CAST: variants seen among roughly 807,000 people sequenced by gnomAD.
CAST encodes the protein MIR583 host.
A neutral mutation model predicts 119.6 loss-of-function variants in CAST; 76 were observed. The ratio of observed to expected loss-of-function variants is 0.64; its 90% CI spans 0.53 to 0.77. The LOEUF is 0.77. CAST is among the 30% of genes least tolerant of loss of function. CAST has a pLI of 0.00. For missense variants in CAST, 953 were observed against 946.5 expected (o/e 1.01, Z -0.09); for synonymous variants, 319 against 331.6 (o/e 0.96, Z 0.41).
intron 1 of CAST, among the ~76,000 whole-genome samples, chr5:96,544,481 A>G (rs1026833132): frequency 6.6e-6 from 1 of 152,166 alleles, no homozygotes; most frequent in African/African-American, 2.4e-5. Context: ...GGGATTTTTT[A>G]TATAGATGAT....
At chr5:96,765,974 T>G in intron 26 of CAST, 79 bp from the exon 27 acceptor site, 2 of 825,738 alleles carry the variant, frequency 2.4e-6, no homozygotes, top group Non-Finnish European at 4.1e-6. Flanking sequence ...CAACAAATGC[T>G]GAATGCTGCA....
chr5:96,177,547 T>G, the CAST span, among the ~76,000 whole-genome samples: 4 of 152,222 alleles, frequency 2.6e-5, no homozygotes, highest in African/African-American at 9.6e-5. Flanking sequence ...GTGCATGTGC[T>G]AGAACAAGCC....
At chr5:96,173,769 G>T in the CAST span, among the ~76,000 whole-genome samples, 2 of 151,226 alleles carry the variant, frequency 1.3e-5, no homozygotes, top group Non-Finnish European at 2.9e-5. Flanking sequence ...TTGTGAGACG[G>T]AGTCTCTGTC....
intron 1 of CAST, among the ~76,000 whole-genome samples, chr5:96,532,536 G>T (rs1745708122): frequency 6.6e-6 from 1 of 152,138 alleles, no homozygotes. Context: ...GCAACATAGT[G>T]AGACCCTGTC....
chr5:96,586,858 C>G (rs1043352505), intron 1 of CAST, among the ~76,000 whole-genome samples: 8 of 152,198 alleles, frequency 5.3e-5, no homozygotes, highest in African/African-American at 1.9e-4. Flanking sequence ...TAGCCAGGCA[C>G]TCTGTTAAGC....
chr5:96,399,174 C>T, the CAST span: 2 of 670,380 alleles, frequency 3.0e-6, no homozygotes, highest in Non-Finnish European at 5.3e-6. Flanking sequence ...GAACCTAATT[C>T]AGAATTATGT....
At chr5:96,512,441 G>A in the CAST span, among the ~76,000 whole-genome samples, 2 of 152,186 alleles carry the variant, frequency 1.3e-5, no homozygotes, top group Admixed American at 6.5e-5. Context: ...AAGGGTAGTA[G>A]GGCTTATGAC....
chr5:96,190,594 C>G, the CAST span, among the ~76,000 whole-genome samples: 1 of 152,124 alleles, frequency 6.6e-6, no homozygotes. Context: ...CTTCTTTTTG[C>G]TGTTAAGGCC....
chr5:96,616,744 C>CTATATA (rs755651461), intron 1 of CAST, among the ~76,000 whole-genome samples: 3 of 122,976 alleles, frequency 2.4e-5, no homozygotes, highest in Admixed American at 7.7e-5. Flanking sequence ...CTCTCTCTCT[C>CTATATA]TATATATATA....
chr5:96,257,530 G>C, the CAST span, among the ~76,000 whole-genome samples: 12 of 152,182 alleles, frequency 7.9e-5, no homozygotes, highest in Admixed American at 7.9e-4. Flanking sequence ...CGTTGATGTT[G>C]ACATCAGTTG....
the CAST span, among the ~76,000 whole-genome samples, chr5:96,276,595 C>G: frequency 6.6e-6 from 1 of 152,114 alleles, no homozygotes; most frequent in Non-Finnish European, 1.5e-5. Flanking sequence ...AATGGTCAGC[C>G]AAACATATTC....
At chr5:96,466,125 T>C in the CAST span, among the ~76,000 whole-genome samples, 46 of 152,158 alleles carry the variant, frequency 3.0e-4, no homozygotes, top group African/African-American at 8.4e-4. Flanking sequence ...CTAACGCATG[T>C]AACAGTGAAA....
At chr5:96,041,137 T>A in the CAST span, among the ~76,000 whole-genome samples, 1 of 152,134 alleles carries the variant, frequency 6.6e-6, no homozygotes, top group Non-Finnish European at 1.5e-5. Context: ...GGGTTGCTTA[T>A]AGTAACTTCC....
chr5:96,645,956 A>G (rs938215595), intron 1 of CAST, among the ~76,000 whole-genome samples: 3 of 152,046 alleles, frequency 2.0e-5, no homozygotes, highest in African/African-American at 4.8e-5. Context: ...ACAATTCAAT[A>G]GAAACATGGC....
the CAST span, among the ~76,000 whole-genome samples, chr5:96,009,759 T>C: frequency 6.6e-6 from 1 of 152,230 alleles, no homozygotes; most frequent in African/African-American, 2.4e-5. Flanking sequence ...TTTACTGTGC[T>C]GATAGTTTCT....
chr5:96,269,527 A>G, the CAST span, among the ~76,000 whole-genome samples: 1 of 152,206 alleles, frequency 6.6e-6, no homozygotes. Flanking sequence ...CTATCAGCAC[A>G]TGGAACATGA....
the CAST span, among the ~76,000 whole-genome samples, chr5:96,351,441 C>G: frequency 1.3e-5 from 2 of 152,154 alleles, no homozygotes; most frequent in East Asian, 3.8e-4. Flanking sequence ...TGTCCACTCT[C>G]TCAGGCTAGG....
At chr5:96,083,331 G>A in the CAST span, among the ~76,000 whole-genome samples, 1 of 152,158 alleles carries the variant, frequency 6.6e-6, no homozygotes, top group Admixed American at 6.5e-5. Flanking sequence ...GAGAGAGGAG[G>A]GACATTGTGT....
At chr5:96,048,666 T>G in the CAST span, among the ~76,000 whole-genome samples, 1 of 151,424 alleles carries the variant, frequency 6.6e-6, no homozygotes. Context: ...TCTTCCTGAT[T>G]TTTTTTTTCT....
Sources: allele counts gnomAD v4.1 joint callset (sites outside exome capture counted in the v4.1 genomes callset), GRCh38; gene constraint gnomAD v4.1.1; transcripts MANE v1.5; gene names NCBI Gene and HGNC (gene_info 2026-07-23, HGNC 2026-07-21).